The following ARID4A variants were observed in gnomAD, a reference collection of about 807,000 sequenced individuals.
ARID4A encodes AT-rich interactive domain-containing protein 4A.
ARID4A carries 39 observed loss-of-function variants against 148.6 expected under a neutral mutation model. The observed-to-expected ratio is 0.26, with a 90% CI of 0.20 to 0.34. The LOEUF (loss-of-function observed/expected upper bound fraction) is 0.34, where lower values mean the gene tolerates loss of function less well. ARID4A is among the 10% of genes least tolerant of loss of function. The pLI is 1.00. For missense variants in ARID4A, 1,265 were observed against 1,449.1 expected (o/e 0.87, Z 2.06); for synonymous variants, 475 against 481.2 (o/e 0.99, Z 0.17).
At chr14:58,338,490 T>C (rs1466593344) in intron 11 of ARID4A, among the ~76,000 whole-genome samples, 1 of 152,118 alleles carries the variant, frequency 6.6e-6, no homozygotes, top group Non-Finnish European at 1.5e-5. Flanking sequence ...ACATCTCTCC[T>C]TCCATGATAG....
chr14:58,372,133 C>A lies in ARID4A; in HGVS notation c.*144C>A, dbSNP rs2035640959. 3.5e-6 allele frequency: 2 copies of A among 573,056 alleles called. No homozygotes were observed. The highest frequency in any genetic ancestry group is 3.0e-5 in the East Asian group (1 of 33,458). 35.5% of individuals were successfully genotyped at this position (573,056 alleles called of 1,614,324 possible). On this transcript the variant is annotated 3_prime_UTR_variant, in exon 24 of 24. Transcript: ENST00000355431. ...TTTTCCAGGCTGGATTGTATCTATT[C>A]CCCTCTCTCTTCTTTTTTCTTGTTG...
In ARID4A at chr14:58,337,885, C is replaced by T. The variant is rs111582261; in HGVS notation, c.907-6810C>T. Reference sequence around the variant, plus strand: ...TTATTGGCTTTCAGCACCTTCAGGACGAAGTCTGGGTTTTTTATCACAGGC... The same window carrying T: ...TTATTGGCTTTCAGCACCTTCAGGATGAAGTCTGGGTTTTTTATCACAGGC... On this transcript the variant is annotated intron_variant, in intron 11 of 23. Coordinates refer to ENST00000355431, the MANE Select transcript of ARID4A (RefSeq NM_002892.4). 3.1e-3 allele frequency among the ~76,000 whole-genome samples: 469 copies of T among 152,252 alleles called. 1 individual carries two copies. Among genetic ancestry groups the T allele is most frequent in the Non-Finnish European group, 5.0e-3 (339 of 68,026 alleles).
intron 23 of ARID4A, among the ~76,000 whole-genome samples, chr14:58,368,394 A>G (rs1378342571): frequency 2.0e-5 from 3 of 152,196 alleles, no homozygotes; most frequent in Admixed American, 1.3e-4. Context: ...ATCCTTGCCA[A>G]TCACTACATG....
At position 58,344,715 on chromosome 14, in the gene ARID4A, T is replaced by G. The variant is rs1425605456; in HGVS notation, c.927T>G (p.Pro309=). 1 of 1,612,796 alleles carries G rather than the reference T, an allele frequency of 6.2e-7. No homozygotes were observed. The highest frequency in any genetic ancestry group is 2.2e-5 in the East Asian group (1 of 44,804). ...TACAGCCTGAGGAAGAACTTGATCCTGAAGAGAGGGACAACTTCCTCCAGC... is the reference window on the plus strand; with the variant it reads ...TACAGCCTGAGGAAGAACTTGATCCGGAAGAGAGGGACAACTTCCTCCAGC... The part of the protein sequence containing the change: ...EEEVPEEELD[P]EERDNFLQQL... Residue 309 remains proline (P), a synonymous_variant, in exon 12 of 24, where the codon CCT becomes CCG. Transcript: ENST00000355431.
At chr14:58,362,498 G>T (rs2035177319) in intron 19 of ARID4A, among the ~76,000 whole-genome samples, 1 of 151,944 alleles carries the variant, frequency 6.6e-6, no homozygotes, top group Admixed American at 6.5e-5. Context: ...GCTGAGGTGG[G>T]AGGATTGCTT....
At chr14:58,310,039 T>C (rs1039508958) in intron 5 of ARID4A, among the ~76,000 whole-genome samples, 1 of 152,170 alleles carries the variant, frequency 6.6e-6, no homozygotes, top group East Asian at 1.9e-4. Flanking sequence ...TTCTACTGAC[T>C]AGAAGATAAT....
At chr14:58,308,150 A>G (rs530346986) in intron 5 of ARID4A, among the ~76,000 whole-genome samples, 1 of 152,342 alleles carries the variant, frequency 6.6e-6, no homozygotes, top group East Asian at 1.9e-4. Flanking sequence ...TAGTGTTTCT[A>G]AAAACTAGTC....
intron 7 of ARID4A, among the ~76,000 whole-genome samples, chr14:58,321,439 C>T (rs1385818700): frequency 6.6e-6 from 1 of 152,068 alleles, no homozygotes; most frequent in Non-Finnish European, 1.5e-5. Context: ...GGAGCCTTTC[C>T]AGGATGGCTT....
At chr14:58,358,078 C>T (rs948304947) in intron 17 of ARID4A, among the ~76,000 whole-genome samples, 1 of 151,930 alleles carries the variant, frequency 6.6e-6, no homozygotes, top group Non-Finnish European at 1.5e-5. Flanking sequence ...GGTGTACATC[C>T]GTGGTCTCAG....
chr14:58,308,828 A>G (rs2031802435), intron 5 of ARID4A, among the ~76,000 whole-genome samples: 1 of 152,156 alleles, frequency 6.6e-6, no homozygotes, highest in Admixed American at 6.5e-5. Context: ...AGTGTTTATG[A>G]CGTGTGTTAC....
At chr14:58,334,128 C>A (rs555149168) in intron 11 of ARID4A, among the ~76,000 whole-genome samples, 1 of 152,126 alleles carries the variant, frequency 6.6e-6, no homozygotes, top group South Asian at 2.1e-4. Context: ...AATGAGGATT[C>A]CACATTTGTA....
At chr14:58,367,846 A>G (rs2035423198) in intron 23 of ARID4A, among the ~76,000 whole-genome samples, 1 of 152,212 alleles carries the variant, frequency 6.6e-6, no homozygotes, top group Non-Finnish European at 1.5e-5. Context: ...TGCATAACAG[A>G]TGGACTACTG....
At chr14:58,326,038 T>C (rs1443154211) in intron 8 of ARID4A, among the ~76,000 whole-genome samples, 3 of 152,184 alleles carry the variant, frequency 2.0e-5, no homozygotes, top group Non-Finnish European at 1.5e-5. Context: ...CTCCCTGGCC[T>C]GAGAGATTAC....
chr14:58,344,378 G>A (rs1220451973), intron 11 of ARID4A, among the ~76,000 whole-genome samples: 1 of 151,878 alleles, frequency 6.6e-6, no homozygotes, highest in Non-Finnish European at 1.5e-5. Flanking sequence ...GTATTTAAAT[G>A]GGCTTTAAAA....
intron 9 of ARID4A, among the ~76,000 whole-genome samples, chr14:58,328,640 G>A (rs926031770): frequency 1.3e-5 from 2 of 151,580 alleles, no homozygotes; most frequent in South Asian, 2.1e-4. Flanking sequence ...TATTAACTCC[G>A]AAGCTTATTT....
chr14:58,315,986 G>C (rs1175133713), intron 5 of ARID4A, among the ~76,000 whole-genome samples: 1 of 152,216 alleles, frequency 6.6e-6, no homozygotes, highest in African/African-American at 2.4e-5. Flanking sequence ...TGTAGTCTAA[G>C]AGGGAGAACT....
chr14:58,354,068 A>T (rs1460861842), intron 17 of ARID4A, among the ~76,000 whole-genome samples: 1 of 152,182 alleles, frequency 6.6e-6, no homozygotes, highest in Non-Finnish European at 1.5e-5. Context: ...TGTAGTTAGA[A>T]CAAGTTACAT....
intron 8 of ARID4A, among the ~76,000 whole-genome samples, chr14:58,327,772 A>C (rs1190583610): frequency 1.3e-5 from 2 of 152,008 alleles, no homozygotes; most frequent in African/African-American, 4.8e-5. Context: ...CCTGGGCTCA[A>C]GTGATCTTAC....
chr14:58,341,691 C>T (rs779676038), intron 11 of ARID4A, among the ~76,000 whole-genome samples: 4 of 152,030 alleles, frequency 2.6e-5, no homozygotes, highest in Non-Finnish European at 4.4e-5. Context: ...AAGACATGTG[C>T]CTAAAGTCAA....
Sources: gnomAD v4.1 joint callset for allele counts (sites outside exome capture counted in the v4.1 genomes callset) on GRCh38, gnomAD v4.1.1 for gene constraint, MANE v1.5 for transcripts, NCBI Gene and HGNC (gene_info 2026-07-23, HGNC 2026-07-21) for gene names.